Variants in KIAA0232 observed in about 807,000 individuals in gnomAD.
KIAA0232 encodes uncharacterized protein KIAA0232.
In KIAA0232, 27 loss-of-function variants were observed where a neutral mutation model predicts 122.0. That is an observed-to-expected ratio of 0.22 (90% CI 0.16 to 0.31). The LOEUF (loss-of-function observed/expected upper bound fraction) is 0.31. Ranked by LOEUF, KIAA0232 falls within the 10% of genes least tolerant of loss-of-function variation. The pLI is 1.00. For synonymous variants in KIAA0232, 613 were observed against 587.6 expected (o/e 1.04, Z -0.63); for missense variants, 1,551 against 1,634.2 (o/e 0.95, Z 0.88).
rs1447609754 is a variant in KIAA0232 at position 6,876,540 on chromosome 4, G to A, written c.3911-120G>A. ...ACGACTTAAAACCTCCGAAGGGTTG[G>A]GAGACCTAACTGATGTAGCTTTTTA... On this transcript the variant is annotated intron_variant, in intron 8 of 9. Transcript: ENST00000307659. 6 of 701,258 alleles carry A rather than the reference G, an allele frequency of 8.6e-6. No individual in the cohort carries two copies. The East Asian group carries it at 1.7e-4, about 19-fold the overall frequency. 43.4% of individuals were successfully genotyped at this position (701,258 alleles called of 1,614,324 possible). A position where few individuals can be genotyped will look rare whatever the true frequency, so the allele number is the denominator to read the frequency against.
chr4:6,880,941 A>G lies in KIAA0232; in HGVS notation c.4163A>G (p.Glu1388Gly), dbSNP rs924764022. Residue 1388 changes from glutamate to glycine, a missense_variant, in exon 10 of 10, where the codon GAG becomes GGG. Glu to Gly is a moderately conservative substitution (Grantham distance 98). This residue lies in a region of KIAA0232 where 1,108 missense variants were observed against 1,154.8 expected (regional missense o/e 0.96). Transcript: ENST00000307659. ...GAGTGGGTGGGCCCTAGTGAAGAGGAGCTCTTTTCTCGAACTCATCTCTAA... is the reference window on the plus strand; with the variant it reads ...GAGTGGGTGGGCCCTAGTGAAGAGGGGCTCTTTTCTCGAACTCATCTCTAA... ...GGEWVGPSEEELFSRTHL is the reference protein window; with the variant it reads ...GGEWVGPSEEGLFSRTHL The G allele has an allele frequency of 4.5e-6, 7 of 1,569,938 alleles. No homozygotes were observed. In the African/African-American group the frequency reaches 8.2e-5, roughly 18 times the overall value.
intron 1 of KIAA0232, among the ~76,000 whole-genome samples, chr4:6,799,693 T>G (rs1164518389): frequency 1.3e-5 from 2 of 152,052 alleles, no homozygotes; most frequent in Non-Finnish European, 2.9e-5. Context: ...GGTTTTTTTG[T>G]TTTTTGTTTG....
At position 6,834,711 on chromosome 4, in the gene KIAA0232, T is replaced by C. The variant is rs184365015; in HGVS notation, c.232-7356T>C. Among the ~76,000 whole-genome samples the C allele has an allele frequency of 9.8e-5, 15 of 152,318 alleles. No homozygotes were observed. The East Asian group carries it at 2.7e-3, about 27-fold the overall frequency. ...CAAATTCCAGTGGCAATTACTCTTA[T>C]TTTTTGTGACATGATGACCAGGTTA... is the stretch of plus-strand genomic sequence containing the variant. On this transcript the variant is annotated intron_variant, in intron 3 of 9. Coordinates refer to ENST00000307659, the MANE Select transcript of KIAA0232 (RefSeq NM_014743.3).
chr4:6,815,319 G>A (rs1481145127), intron 2 of KIAA0232, among the ~76,000 whole-genome samples: 1 of 152,154 alleles, frequency 6.6e-6, no homozygotes. Flanking sequence ...CATACGTGAA[G>A]TAAGTTTTAA....
At chr4:6,791,459 A>G (rs1245925853) in intron 1 of KIAA0232, among the ~76,000 whole-genome samples, 1 of 150,252 alleles carries the variant, frequency 6.7e-6, no homozygotes, top group Admixed American at 6.7e-5. Context: ...TTCCTGAGTA[A>G]CTGGGACTAC....
At chr4:6,830,461 G>A (rs978139491) in intron 3 of KIAA0232, among the ~76,000 whole-genome samples, 1 of 139,492 alleles carries the variant, frequency 7.2e-6, no homozygotes, top group South Asian at 2.3e-4. Context: ...CCAGGCTAGA[G>A]TGCAGGGGCG....
intron 7 of KIAA0232, 26 bp from the exon 8 acceptor site, chr4:6,871,548 T>C: frequency 6.9e-6 from 9 of 1,310,034 alleles, no homozygotes; most frequent in Non-Finnish European, 9.8e-6. Flanking sequence ...TATAAACTTT[T>C]TCTGTATTTG....
intron 7 of KIAA0232, among the ~76,000 whole-genome samples, chr4:6,864,635 A>T (rs755434203): frequency 3.6e-4 from 53 of 147,010 alleles, no homozygotes; most frequent in Admixed American, 8.3e-4. Context: ...GCTCCTTGGG[A>T]GGCTGAGGCA....
At chr4:6,809,767 A>G in intron 2 of KIAA0232, among the ~76,000 whole-genome samples, 1 of 152,162 alleles carries the variant, frequency 6.6e-6, no homozygotes, top group East Asian at 1.9e-4. Context: ...AAAAATCAGT[A>G]ATATTTATAT....
At chr4:6,833,121 TTCCTG>T (rs1719079884) in intron 3 of KIAA0232, among the ~76,000 whole-genome samples, 1 of 152,202 alleles carries the variant, frequency 6.6e-6, no homozygotes, top group Non-Finnish European at 1.5e-5. Flanking sequence ...TCTGCGGTGT[TTCCTG>T]TTACAGTTTA....
At chr4:6,845,527 G>A (rs754206269) in intron 4 of KIAA0232, among the ~76,000 whole-genome samples, 2 of 151,958 alleles carry the variant, frequency 1.3e-5, no homozygotes, top group Non-Finnish European at 2.9e-5. Flanking sequence ...CCTAAAGGGA[G>A]TAAATCGATA....
intron 3 of KIAA0232, among the ~76,000 whole-genome samples, chr4:6,839,020 T>A (rs1378942325): frequency 6.6e-6 from 1 of 152,068 alleles, no homozygotes; most frequent in Non-Finnish European, 1.5e-5. Context: ...TCCCAGCTAC[T>A]CAGGCTAAGG....
intron 3 of KIAA0232, 140 bp downstream of exon 3, chr4:6,824,824 T>A: frequency 2.8e-6 from 2 of 711,602 alleles, no homozygotes; most frequent in African/African-American, 1.8e-5. Flanking sequence ...GACCAGATGG[T>A]AAGATTGCCT....
chr4:6,788,091 T>C (rs1333156207), intron 1 of KIAA0232, among the ~76,000 whole-genome samples: 2 of 152,176 alleles, frequency 1.3e-5, no homozygotes, highest in African/African-American at 4.8e-5. Context: ...CATGCTGGAG[T>C]GCAGCGGTGC....
intron 8 of KIAA0232, 104 bp from the exon 9 acceptor site, chr4:6,876,556 T>C: frequency 1.2e-6 from 1 of 813,652 alleles, no homozygotes; most frequent in South Asian, 1.6e-5. Flanking sequence ...CTAACTGATG[T>C]AGCTTTTTAG....
At chr4:6,789,171 C>G (rs923744312) in intron 1 of KIAA0232, among the ~76,000 whole-genome samples, 2 of 151,974 alleles carry the variant, frequency 1.3e-5, no homozygotes, top group African/African-American at 4.8e-5. Flanking sequence ...CTGGGTTTCA[C>G]CGTGTTAGCC....
chr4:6,868,012 T>C (rs1721275913), intron 7 of KIAA0232, among the ~76,000 whole-genome samples: 1 of 152,220 alleles, frequency 6.6e-6, no homozygotes, highest in Non-Finnish European at 1.5e-5. Flanking sequence ...ACAAGGTACA[T>C]GGAAGTCTTG....
chr4:6,839,954 A>G (rs769281054), intron 3 of KIAA0232, among the ~76,000 whole-genome samples: 17 of 152,184 alleles, frequency 1.1e-4, no homozygotes, highest in East Asian at 1.9e-4. Flanking sequence ...ATTTTGAGCA[A>G]TATATCAGTG....
Position 6,855,887 on chromosome 4 carries a change from T to C in KIAA0232, c.370-1277T>C. 1.0e-6 allele frequency: 1 copy of C among 984,494 alleles called. No individual in the cohort carries two copies. Among genetic ancestry groups the C allele is most frequent in the South Asian group, 4.7e-5 (1 of 21,260 alleles). The allele number at this position is 984,494 out of a possible 1,614,324, so 61.0% of individuals were successfully genotyped here. A position where few individuals can be genotyped will look rare whatever the true frequency, so the allele number is the denominator to read the frequency against. The stretch of plus-strand genomic sequence containing the variant: ...ATATAATTGCCGTCCTTGTCACACC[T>C]TGAGCATTATGGTAAGCAGGTGCTT... On this transcript the variant is annotated intron_variant, in intron 4 of 9. Transcript: ENST00000307659. This position sits in a 1 kb window ranked among gnomAD's most constrained non-coding sequence, Gnocchi z 4.3.
Sources: gnomAD v4.1 joint callset for allele counts (sites outside exome capture counted in the v4.1 genomes callset) on GRCh38, gnomAD v4.1.1 for gene constraint, gnomAD v4.1.1 regional missense constraint, Gnocchi (gnomAD v3.1) non-coding constraint, MANE v1.5 for transcripts, NCBI Gene and HGNC (gene_info 2026-07-23, HGNC 2026-07-21) for gene names.